Variants in RERG observed in about 807,000 individuals in gnomAD.
RERG encodes the protein ras-related and estrogen-regulated growth inhibitor.
Under a neutral mutation model 23.2 loss-of-function variants are expected in RERG, and 25 were observed. That is an observed-to-expected ratio of 1.08 (90% CI 0.79 to 1.50). The LOEUF is 1.50. Ranked by LOEUF, RERG falls within the 40% of genes most tolerant of loss-of-function variation. The pLI is 0.00. For missense variants in RERG, 253 were observed against 250.1 expected, an observed-to-expected ratio of 1.01 and a Z score of -0.08; for synonymous variants, 81 against 89.1, an observed-to-expected ratio of 0.91 and a Z score of 0.51.
chr12:15,202,104 G>C (rs1865225313), intron 2 of RERG, among the ~76,000 whole-genome samples: 1 of 151,566 alleles, frequency 6.6e-6, no homozygotes, highest in Non-Finnish European at 1.5e-5. Flanking sequence ...CTTTTTTACA[G>C]TTTCATTGGA....
intron 2 of RERG, among the ~76,000 whole-genome samples, chr12:15,179,020 G>A (rs1319341265): frequency 1.3e-5 from 2 of 152,028 alleles, no homozygotes; most frequent in Non-Finnish European, 2.9e-5. Context: ...GTTTCCCCAT[G>A]CCCCAGTTAA....
intron 2 of RERG, among the ~76,000 whole-genome samples, chr12:15,156,386 A>G (rs1003157938): frequency 6.6e-6 from 1 of 152,206 alleles, no homozygotes; most frequent in Non-Finnish European, 1.5e-5. Flanking sequence ...TCTGGAGTTC[A>G]GGTTAAGAAC....
intron 2 of RERG, among the ~76,000 whole-genome samples, chr12:15,134,134 T>A (rs1024018773): frequency 5.3e-5 from 8 of 152,158 alleles, no homozygotes; most frequent in Non-Finnish European, 5.9e-5. Context: ...CTTTCATGCA[T>A]CATTACTTTG....
intron 2 of RERG, among the ~76,000 whole-genome samples, chr12:15,202,998 A>T (rs1039600724): frequency 3.3e-5 from 5 of 151,744 alleles, no homozygotes; most frequent in Non-Finnish European, 4.4e-5. Flanking sequence ...TTTTTATAAC[A>T]GCCATTTTAA....
intron 2 of RERG, among the ~76,000 whole-genome samples, chr12:15,122,864 T>C (rs1026526356): frequency 6.6e-6 from 1 of 151,668 alleles, no homozygotes; most frequent in African/African-American, 2.4e-5. Context: ...AGTGGTATGA[T>C]CTCGGCTCAC....
At chr12:15,166,047 C>T (rs1425094969) in intron 2 of RERG, among the ~76,000 whole-genome samples, 1 of 152,168 alleles carries the variant, frequency 6.6e-6, no homozygotes, top group Admixed American at 6.5e-5. Flanking sequence ...TAATTCAAAA[C>T]CCTCATTTCC....
At chr12:15,204,701 C>G (rs973487659) in intron 2 of RERG, among the ~76,000 whole-genome samples, 1 of 151,834 alleles carries the variant, frequency 6.6e-6, no homozygotes, top group Non-Finnish European at 1.5e-5. Flanking sequence ...CTGTTCTTCC[C>G]ATTGACTCCT....
chr12:15,173,436 G>A (rs1565528094), intron 2 of RERG, among the ~76,000 whole-genome samples: 2 of 151,928 alleles, frequency 1.3e-5, no homozygotes, highest in Admixed American at 1.3e-4. Flanking sequence ...TTTCAAGATT[G>A]TTTACCTATT....
At chr12:15,155,059 A>C (rs1213645996) in intron 2 of RERG, 3 of 152,214 alleles carry the variant, frequency 2.0e-5, no homozygotes, top group African/African-American at 7.2e-5. Flanking sequence ...TAAGAAACTC[A>C]GCTAAGAGAT....
At chr12:15,216,079 C>A (rs933570250) in intron 2 of RERG, among the ~76,000 whole-genome samples, 1 of 152,226 alleles carries the variant, frequency 6.6e-6, no homozygotes, top group East Asian at 1.9e-4. Context: ...CAAGCTCTTG[C>A]TGGCAGTGCA....
At chr12:15,134,760 A>G (rs1591641477) in intron 2 of RERG, among the ~76,000 whole-genome samples, 1 of 152,012 alleles carries the variant, frequency 6.6e-6, no homozygotes, top group Non-Finnish European at 1.5e-5. Flanking sequence ...GATTATAAGC[A>G]TGCACCACCA....
At chr12:15,138,997 G>A (rs1864189429) in intron 2 of RERG, among the ~76,000 whole-genome samples, 1 of 80,000 alleles carries the variant, frequency 1.3e-5, no homozygotes, top group Non-Finnish European at 2.6e-5. Context: ...TGTGAAAGTT[G>A]TTCACCTGTG....
chr12:15,153,472 A>G (rs946652875), intron 2 of RERG, among the ~76,000 whole-genome samples: 2 of 152,178 alleles, frequency 1.3e-5, no homozygotes, highest in Non-Finnish European at 2.9e-5. Context: ...ATTTGCTTAA[A>G]GTGGGAGAGT....
intron 2 of RERG, among the ~76,000 whole-genome samples, chr12:15,208,680 C>T (rs989983282): frequency 2.0e-5 from 3 of 151,904 alleles, no homozygotes; most frequent in African/African-American, 7.3e-5. Flanking sequence ...GTTGAATGAA[C>T]AACTGAATGA....
At chr12:15,148,703 C>T (rs1565519425) in intron 2 of RERG, among the ~76,000 whole-genome samples, 1 of 151,982 alleles carries the variant, frequency 6.6e-6, no homozygotes, top group African/African-American at 2.4e-5. Flanking sequence ...TACTAATTCC[C>T]CAGGAATTTG....
chr12:15,109,497 C>G lies in RERG; in HGVS notation c.213G>C (p.Glu71Asp). The G allele has an allele frequency of 1.2e-6, 2 of 1,605,614 alleles. No individual in the cohort carries two copies. The highest frequency in any genetic ancestry group is 1.7e-6 in the Non-Finnish European group (2 of 1,174,596). The stretch of plus-strand genomic sequence containing the variant: ...AGCCTTCCCCCCATCGCATGTGCCC[C>G]TCCCTCTGAATGGTATCTTCCTGTT... ...TAGQEDTIQREGHMRWGEGFV... is the reference protein window; with the variant it reads ...TAGQEDTIQRDGHMRWGEGFV... Residue 71 changes from glutamate to aspartate, a missense_variant, in exon 5 of 5, where the codon GAG (glutamate) becomes GAC (aspartate). Coordinates refer to ENST00000256953, the MANE Select transcript of RERG (RefSeq NM_032918.3).
intron 3 of RERG, among the ~76,000 whole-genome samples, chr12:15,118,791 G>A (rs1863778731): frequency 6.6e-6 from 1 of 151,884 alleles, no homozygotes. Context: ...ATCTCCTTGA[G>A]GCCTCCCCAG....
At chr12:15,181,345 A>G (rs1481721757) in intron 2 of RERG, among the ~76,000 whole-genome samples, 1 of 152,252 alleles carries the variant, frequency 6.6e-6, no homozygotes. Flanking sequence ...ATATCAATTC[A>G]GAAACTGGCA....
chr12:15,162,677 T>C (rs1864631923), intron 2 of RERG, among the ~76,000 whole-genome samples: 1 of 152,144 alleles, frequency 6.6e-6, no homozygotes, highest in South Asian at 2.1e-4. Context: ...GGAAGGAAAA[T>C]ATAACATGAA....
Sources: gnomAD v4.1 joint callset for allele counts (sites outside exome capture counted in the v4.1 genomes callset) on GRCh38, gnomAD v4.1.1 for gene constraint, MANE v1.5 for transcripts, NCBI Gene and HGNC (gene_info 2026-07-23, HGNC 2026-07-21) for gene names.